GLI2: variants seen among roughly 807,000 people sequenced by gnomAD.
GLI2 encodes GLI family zinc finger 2.
A neutral mutation model predicts 78.9 loss-of-function variants in GLI2; 22 were observed. The ratio of observed to expected loss-of-function variants is 0.28; its 90% CI spans 0.20 to 0.40. The LOEUF is 0.40. Among genes scored for constraint, GLI2 ranks in the 10% least tolerant of loss-of-function variants. GLI2 has a pLI of 1.00. For missense variants in GLI2, 2,097 were observed against 2,213.2 expected (o/e 0.95, Z 1.05); for synonymous variants, 974 against 963.7 (o/e 1.01, Z -0.20).
chr2:120,800,846 T>C lies in GLI2; in HGVS notation c.148+3378T>C, dbSNP rs998000945. 6.6e-6 allele frequency among the ~76,000 whole-genome samples: 1 copy of C among 152,156 alleles called. No homozygotes were observed. Among genetic ancestry groups the C allele is most frequent in the African/African-American group, 2.4e-5 (1 of 41,440 alleles). On this transcript the variant is annotated intron_variant, in intron 2 of 13. Transcript: ENST00000361492. This position sits in a 1 kb window ranked among gnomAD's most constrained non-coding sequence, Gnocchi z 4.1. ...TACGAGCTTAGTGTTTCCTGACTTA[T>C]TACACATCAGAGAAGGTGTGGGGTG...
Position 120,988,292 on chromosome 2 carries a change from C to G in GLI2, c.2327C>G (p.Ala776Gly). Residue 776 changes from alanine to glycine, a missense_variant, in exon 14 of 14, where the codon GCG (alanine) becomes GGG (glycine). Coordinates refer to ENST00000361492, the MANE Select transcript of GLI2 (RefSeq NM_001374353.1). ...LPNPRLSELSASEVTMLSQLQ... is the reference protein window; with the variant it reads ...LPNPRLSELSGSEVTMLSQLQ... ...AACCCGCGGCTGTCGGAGCTGTCCG[C>G]GAGCGAGGTGACCATGCTGAGCCAG... The G allele has an allele frequency of 1.3e-6, 2 of 1,564,806 alleles. No individual in the cohort carries two copies. Among genetic ancestry groups the G allele is most frequent in the Non-Finnish European group, 1.7e-6 (2 of 1,160,594 alleles).
Position 120,800,371 on chromosome 2 carries a change from T to G in GLI2, c.148+2903T>G, listed in dbSNP as rs1684642187. On this transcript the variant is annotated intron_variant, in intron 2 of 13. Coordinates refer to ENST00000361492, the MANE Select transcript of GLI2 (RefSeq NM_001374353.1). The surrounding 1 kb of genome is among the most constrained non-coding windows in gnomAD (Gnocchi z 4.1). ...CCCCTGTTGCTGCGCAGGTGACCAC[T>G]TAGAAGCCTGGCTCCTCTGAGGCCT... 6.6e-6 allele frequency among the ~76,000 whole-genome samples: 1 copy of G among 152,104 alleles called. No homozygotes were observed.
chr2:120,807,895 TCTC>T (rs1246121623), intron 2 of GLI2, among the ~76,000 whole-genome samples: 2 of 146,106 alleles, frequency 1.4e-5, no homozygotes, highest in Non-Finnish European at 3.0e-5. Context: ...TCTGGCTTCT[TCTC>T]CTTCTGGGTG....
chr2:120,852,723 A>G (rs573872263), intron 2 of GLI2, among the ~76,000 whole-genome samples: 20 of 152,312 alleles, frequency 1.3e-4, no homozygotes, highest in Admixed American at 7.2e-4. Context: ...GGCTTGCAAT[A>G]CAAACATCCC....
At chr2:120,787,960 G>C (rs1684044079) in intron 1 of GLI2, among the ~76,000 whole-genome samples, 1 of 152,218 alleles carries the variant, frequency 6.6e-6, no homozygotes. Flanking sequence ...TGCCTGGATG[G>C]GACTGTCGTG....
chr2:120,935,393 C>T (rs920136480), intron 3 of GLI2, among the ~76,000 whole-genome samples: 5 of 152,238 alleles, frequency 3.3e-5, no homozygotes, highest in Admixed American at 1.3e-4. Context: ...CATCCTTCCA[C>T]GGCTGTCTGA....
At chr2:120,825,282 T>C (rs1685994142) in intron 2 of GLI2, among the ~76,000 whole-genome samples, 1 of 152,262 alleles carries the variant, frequency 6.6e-6, no homozygotes, top group Non-Finnish European at 1.5e-5. Flanking sequence ...AAGGAAGGCC[T>C]GGCCCTGTCC....
At chr2:120,840,126 A>T (rs1686797769) in intron 2 of GLI2, among the ~76,000 whole-genome samples, 1 of 152,322 alleles carries the variant, frequency 6.6e-6, no homozygotes, top group Non-Finnish European at 1.5e-5. Flanking sequence ...CATCCCGCAC[A>T]TTCTGAAACA....
chr2:120,767,969 C>A (rs577434122), intron 1 of GLI2, among the ~76,000 whole-genome samples: 1 of 152,196 alleles, frequency 6.6e-6, no homozygotes, highest in Non-Finnish European at 1.5e-5. Context: ...CCCTCACCCC[C>A]CACCACAGTC....
At chr2:120,807,208 G>A (rs1276162931) in intron 2 of GLI2, among the ~76,000 whole-genome samples, 1 of 152,168 alleles carries the variant, frequency 6.6e-6, no homozygotes, top group Non-Finnish European at 1.5e-5. Context: ...CATGGTCTGG[G>A]GGATGGGGCC....
chr2:120,822,818 G>T (rs1685844735), intron 2 of GLI2, among the ~76,000 whole-genome samples: 1 of 152,168 alleles, frequency 6.6e-6, no homozygotes, highest in African/African-American at 2.4e-5. Flanking sequence ...AGCTTCAGAG[G>T]AAATGGTACG....
intron 2 of GLI2, among the ~76,000 whole-genome samples, chr2:120,883,249 G>A (rs1256776191): frequency 6.6e-6 from 1 of 152,188 alleles, no homozygotes; most frequent in African/African-American, 2.4e-5. Context: ...AAGTTGGGAG[G>A]TAAAGGTGAG....
intron 2 of GLI2, among the ~76,000 whole-genome samples, chr2:120,909,859 C>G (rs572386109): frequency 2.0e-5 from 3 of 152,164 alleles, no homozygotes; most frequent in African/African-American, 7.2e-5. Flanking sequence ...AGTGAGACTC[C>G]GTCTCAAAAT....
In GLI2 at chr2:120,895,993, T is replaced by C. The variant is rs182014082; in HGVS notation, c.149-31368T>C. On this transcript the variant is annotated intron_variant, in intron 2 of 13. Coordinates refer to ENST00000361492, the MANE Select transcript of GLI2 (RefSeq NM_001374353.1). ...GATGTGACTCTCCCCTCCCATTTTA[T>C]GGGTGAGGAAACTGAGATTGGAGAA... is the stretch of plus-strand genomic sequence containing the variant. Among the ~76,000 whole-genome samples, 192 of 152,298 alleles carry C rather than the reference T, an allele frequency of 1.3e-3. 3 individuals are homozygous for C. The highest frequency in any genetic ancestry group is 4.5e-3 in the African/African-American group (185 of 41,556).
Position 120,989,208 on chromosome 2 carries a change from A to G in GLI2, c.3243A>G (p.Arg1081=). Reference sequence around the variant, plus strand: ...GCACTGGCTTCTCTGACAACCCCAGACTACCCAGCCCGGGGCTGCACGGCC... The same window carrying G: ...GCACTGGCTTCTCTGACAACCCCAGGCTACCCAGCCCGGGGCTGCACGGCC... ...TESTGFSDNP[R]LPSPGLHGQR... Residue 1081 remains arginine (R), a synonymous_variant, in exon 14 of 14, where the codon AGA becomes AGG. Transcript: ENST00000361492. 1 of 1,613,202 alleles carries G rather than the reference A, an allele frequency of 6.2e-7. No homozygotes were observed. The highest frequency in any genetic ancestry group is 8.5e-7 in the Non-Finnish European group (1 of 1,180,018).
Position 120,988,427 on chromosome 2 carries a change from C to T in GLI2, c.2462C>T (p.Ala821Val). ...PYFSSRRSSE[A>V]SPLGAGRPHN... ...TTCTCCAGCCGCCGCTCCAGCGAGG[C>T]CTCGCCCCTGGGCGCCGGCCGCCCG... is the stretch of plus-strand genomic sequence containing the variant. The change falls in exon 14 of 14, where the codon GCC becomes GTC. Residue 821 changes from alanine to valine, a missense_variant. Coordinates refer to ENST00000361492, the MANE Select transcript of GLI2 (RefSeq NM_001374353.1). 1 of 1,575,914 alleles carries T rather than the reference C, an allele frequency of 6.3e-7. No homozygotes were observed. Among genetic ancestry groups the T allele is most frequent in the Non-Finnish European group, 8.5e-7 (1 of 1,170,630 alleles).
At chr2:120,931,528 G>A (rs748749935) in intron 3 of GLI2, among the ~76,000 whole-genome samples, 1 of 152,222 alleles carries the variant, frequency 6.6e-6, no homozygotes, top group African/African-American at 2.4e-5. Flanking sequence ...CTTGGGGGCT[G>A]TTATTCAGGT....
chr2:120,761,432 T>A (rs1473561074), intron 1 of GLI2, among the ~76,000 whole-genome samples: 1 of 152,156 alleles, frequency 6.6e-6, no homozygotes, highest in African/African-American at 2.4e-5. Flanking sequence ...AGCATTCTTA[T>A]GGCCCAGCCC....
In GLI2 at chr2:120,800,169, C is replaced by T. The variant is rs957034799; in HGVS notation, c.148+2701C>T. Among the ~76,000 whole-genome samples the T allele has an allele frequency of 6.6e-6, 1 of 152,134 alleles. No individual in the cohort carries two copies. The highest frequency in any genetic ancestry group is 2.4e-5 in the African/African-American group (1 of 41,404). The stretch of plus-strand genomic sequence containing the variant: ...GGGGCCGTGAGGGACTGTACCAAGC[C>T]TGGGAGAGGGACAGTGCCGCAGGGT... On this transcript the variant is annotated intron_variant, in intron 2 of 13. Transcript: ENST00000361492. The surrounding 1 kb of genome is among the most constrained non-coding windows in gnomAD (Gnocchi z 4.1).
Sources: gnomAD v4.1 joint callset for allele counts (sites outside exome capture counted in the v4.1 genomes callset) on GRCh38, gnomAD v4.1.1 for gene constraint, Gnocchi (gnomAD v3.1) non-coding constraint, MANE v1.5 for transcripts, NCBI Gene and HGNC (gene_info 2026-07-23, HGNC 2026-07-21) for gene names.